The following CELF4 variants were observed in gnomAD, a reference collection of about 807,000 sequenced individuals.
CELF4 encodes CUG-BP- and ETR-3-like factor 4.
CELF4 carries 18 observed loss-of-function variants against 59.9 expected under a neutral mutation model. The ratio of observed to expected loss-of-function variants is 0.30; its 90% CI spans 0.21 to 0.45. CELF4 has a LOEUF of 0.45. CELF4 is among the 20% of genes least tolerant of loss of function. CELF4 has a pLI of 1.00. For missense variants in CELF4, 456 were observed against 689.0 expected (o/e 0.66, Z 3.79); for synonymous variants, 261 against 267.1 (o/e 0.98, Z 0.22).
At chr18:37,518,068 G>A (rs1344597674) in intron 1 of CELF4, among the ~76,000 whole-genome samples, 1 of 152,066 alleles carries the variant, frequency 6.6e-6, no homozygotes, top group Non-Finnish European at 1.5e-5. Flanking sequence ...TGGGCCATGG[G>A]GAGACCTGAC....
chr18:37,528,986 T>A (rs2099966738), intron 1 of CELF4: 1 of 152,070 alleles, frequency 6.6e-6, no homozygotes, highest in Admixed American at 6.5e-5. Flanking sequence ...CTCATTCCTT[T>A]ATTATTATTT....
intron 1 of CELF4, among the ~76,000 whole-genome samples, chr18:37,546,961 C>G (rs534048441): frequency 6.6e-5 from 10 of 152,234 alleles, no homozygotes; most frequent in Admixed American, 2.0e-4. Flanking sequence ...GTCAGTACTG[C>G]GAAAGAAGGC....
intron 2 of CELF4, among the ~76,000 whole-genome samples, chr18:37,331,534 T>C (rs2097543011): frequency 6.6e-6 from 1 of 151,736 alleles, no homozygotes; most frequent in African/African-American, 2.4e-5. Context: ...TGAGTCAGGG[T>C]GGAAGGAACC....
intron 2 of CELF4, among the ~76,000 whole-genome samples, chr18:37,353,752 G>T (rs536905834): frequency 2.8e-4 from 40 of 141,550 alleles, no homozygotes; most frequent in East Asian, 6.4e-4. Flanking sequence ...GTGGGGGCGG[G>T]GGGGGCAGTT....
chr18:37,328,706 T>G (rs2097422158), intron 2 of CELF4, among the ~76,000 whole-genome samples: 1 of 152,136 alleles, frequency 6.6e-6, no homozygotes, highest in Non-Finnish European at 1.5e-5. Context: ...TCCTGGTGCT[T>G]TAGGACAACA....
At chr18:37,523,884 G>A (rs995058256) in intron 1 of CELF4, among the ~76,000 whole-genome samples, 46 of 152,334 alleles carry the variant, frequency 3.0e-4, no homozygotes, top group African/African-American at 1.1e-3. Flanking sequence ...AGAAATGAGC[G>A]TGTGGCTTCT....
chr18:37,266,274 C>T (rs944385641), intron 9 of CELF4: 6 of 579,968 alleles, frequency 1.0e-5, no homozygotes, highest in African/African-American at 9.4e-5. Context: ...AGACAGGTAA[C>T]TGCCCAGCAA....
rs147585631 is a variant in CELF4, at chr18:37,299,451, G to A, written c.448+22352C>T. 4.9e-4 allele frequency among the ~76,000 whole-genome samples: 75 copies of A among 152,198 alleles called. 1 individual carries two copies. In the East Asian group the frequency reaches 0.013, roughly 27 times the overall value. ...CCCAGGGGCCTGGTATGGGGGCCGGGCAGAACTGGGACAGGATGGGAGCCT... is the reference window on the plus strand; with the variant it reads ...CCCAGGGGCCTGGTATGGGGGCCGGACAGAACTGGGACAGGATGGGAGCCT... On this transcript the variant is annotated intron_variant, in intron 3 of 12. Coordinates refer to ENST00000420428, the MANE Select transcript of CELF4 (RefSeq NM_020180.4).
intron 1 of CELF4, among the ~76,000 whole-genome samples, chr18:37,548,503 T>C (rs2099982160): frequency 6.6e-6 from 1 of 152,306 alleles, no homozygotes; most frequent in Non-Finnish European, 1.5e-5. Context: ...AGTAGGTGCA[T>C]TGCCAATATC....
At chr18:37,420,762 G>C (rs561568869) in intron 2 of CELF4, among the ~76,000 whole-genome samples, 7 of 152,188 alleles carry the variant, frequency 4.6e-5, no homozygotes, top group African/African-American at 1.4e-4. Flanking sequence ...AGAGCTTTCT[G>C]AGCACAAACT....
intron 1 of CELF4, among the ~76,000 whole-genome samples, chr18:37,489,217 T>C (rs896467600): frequency 3.3e-5 from 5 of 152,266 alleles, no homozygotes; most frequent in Non-Finnish European, 7.3e-5. Context: ...ATTAGTTGGC[T>C]ATCTTAAGGC....
chr18:37,441,242 G>T (rs1229823154), intron 2 of CELF4, among the ~76,000 whole-genome samples: 1 of 151,336 alleles, frequency 6.6e-6, no homozygotes, highest in Non-Finnish European at 1.5e-5. Flanking sequence ...CAGGGAGCTG[G>T]CTCCTCCCTA....
intron 1 of CELF4, among the ~76,000 whole-genome samples, chr18:37,536,214 G>A (rs1158493650): frequency 6.6e-6 from 1 of 152,036 alleles, no homozygotes; most frequent in East Asian, 1.9e-4. Context: ...ATACTCCCTG[G>A]AGGGGTGATG....
chr18:37,378,873 G>A (rs966679988), intron 2 of CELF4, among the ~76,000 whole-genome samples: 4 of 152,154 alleles, frequency 2.6e-5, no homozygotes, highest in African/African-American at 9.7e-5. Flanking sequence ...CAGGAAGGCC[G>A]GGCTGGGCTC....
chr18:37,334,619 T>C (rs2097695165), intron 2 of CELF4, among the ~76,000 whole-genome samples: 1 of 151,898 alleles, frequency 6.6e-6, no homozygotes, highest in East Asian at 1.9e-4. Flanking sequence ...CCCTCCCCTG[T>C]GTAACTGTTC....
At chr18:37,353,050 T>C (rs1022809287) in intron 2 of CELF4, among the ~76,000 whole-genome samples, 2 of 151,782 alleles carry the variant, frequency 1.3e-5, no homozygotes, top group South Asian at 2.1e-4. Flanking sequence ...TGAAACCCTG[T>C]CTCTACTAAA....
chr18:37,425,541 C>A (rs73947208), intron 2 of CELF4, among the ~76,000 whole-genome samples: 324 of 152,316 alleles, frequency 2.1e-3, no homozygotes, highest in African/African-American at 7.6e-3. Context: ...CAAATGATTT[C>A]TTTAAAAAAC....
chr18:37,273,806 GC>G (rs1409251458), intron 6 of CELF4: 9 of 989,344 alleles, frequency 9.1e-6, no homozygotes, highest in Non-Finnish European at 1.1e-5. Context: ...GACAGAGTGG[GC>G]CCCCATGTGG....
At chr18:37,405,341 C>G (rs1039951947) in intron 2 of CELF4, among the ~76,000 whole-genome samples, 5 of 152,240 alleles carry the variant, frequency 3.3e-5, no homozygotes, top group African/African-American at 1.2e-4. Flanking sequence ...TTGCCCCTTC[C>G]TCTGCTAGTT....
Sources: gnomAD v4.1 joint callset for allele counts (sites outside exome capture counted in the v4.1 genomes callset) on GRCh38, gnomAD v4.1.1 for gene constraint, MANE v1.5 for transcripts, NCBI Gene and HGNC (gene_info 2026-07-23, HGNC 2026-07-21) for gene names.